SLC12A8: variants seen among roughly 807,000 people sequenced by gnomAD.
SLC12A8 encodes solute carrier family 12 member 8, also known as cation-chloride cotransporter 9.
In SLC12A8, 69 loss-of-function variants were observed where a neutral mutation model predicts 75.6. The observed-to-expected ratio is 0.91, with a 90% CI of 0.75 to 1.11. SLC12A8 has a LOEUF of 1.11. Among genes scored for constraint, SLC12A8 ranks in the 50% most tolerant of loss-of-function variants. The pLI, the probability that SLC12A8 is intolerant of heterozygous loss-of-function variation, is 0.00. For missense variants in SLC12A8, 877 were observed against 896.7 expected (o/e 0.98, Z 0.28); for synonymous variants, 365 against 372.8 (o/e 0.98, Z 0.24).
intron 6 of SLC12A8, among the ~76,000 whole-genome samples, chr3:125,133,828 C>G (rs1933422660): frequency 6.6e-6 from 1 of 152,098 alleles, no homozygotes; most frequent in African/African-American, 2.4e-5. Flanking sequence ...CTGTCTTGGC[C>G]TCCCAAAGTG....
intron 5 of SLC12A8, among the ~76,000 whole-genome samples, chr3:125,177,267 T>C (rs370175816): frequency 2.2e-5 from 3 of 136,134 alleles, no homozygotes; most frequent in East Asian, 2.2e-4. Flanking sequence ...TAGGTGGGAA[T>C]TGAACAATGA....
At position 125,107,776 on chromosome 3, in the gene SLC12A8, C is replaced by T. The variant is rs1261910367; in HGVS notation, c.1410G>A (p.Arg470=). The change falls in exon 10 of 14, where the codon AGG becomes AGA. Residue 470 remains arginine (R), a synonymous_variant. Coordinates refer to ENST00000469902, the MANE Select transcript of SLC12A8 (RefSeq NM_024628.6). ...GCCTGGGCTGGCTACTCTCAAGCTT[C>T]CTGGTTAGCTGGAGGAGCTGATCCA... The part of the protein sequence containing the change: ...KDMDQLLQLT[R]KLESSQPRQG... 1 of 1,614,174 alleles carries T rather than the reference C, an allele frequency of 6.2e-7. No individual in the cohort carries two copies. The highest frequency in any genetic ancestry group is 1.1e-5 in the South Asian group (1 of 91,080).
At chr3:125,160,663 T>C (rs1934147407) in intron 5 of SLC12A8, among the ~76,000 whole-genome samples, 1 of 152,216 alleles carries the variant, frequency 6.6e-6, no homozygotes, top group South Asian at 2.1e-4. Context: ...CACTCAGGAT[T>C]AAGACATGGA....
intron 5 of SLC12A8, among the ~76,000 whole-genome samples, chr3:125,136,640 C>T (rs1933502730): frequency 6.6e-6 from 1 of 152,188 alleles, no homozygotes; most frequent in Non-Finnish European, 1.5e-5. Context: ...GATCTCTCAG[C>T]CTATGGACAC....
intron 10 of SLC12A8, among the ~76,000 whole-genome samples, chr3:125,101,978 C>T (rs2948798): frequency 0.17 from 26,600 of 152,034 alleles, 2,651 homozygotes; most frequent in Non-Finnish European, 0.21. Context: ...AGGAATCTGA[C>T]AATCTAGTGG....
At chr3:125,152,640 TC>T (rs1933955685) in intron 5 of SLC12A8, among the ~76,000 whole-genome samples, 1 of 151,728 alleles carries the variant, frequency 6.6e-6, no homozygotes, top group African/African-American at 2.4e-5. Context: ...GAACCACCCC[TC>T]CCCCCAAACT....
chr3:125,174,027 G>T (rs1221129056), intron 5 of SLC12A8, among the ~76,000 whole-genome samples: 1 of 152,200 alleles, frequency 6.6e-6, no homozygotes, highest in Non-Finnish European at 1.5e-5. Flanking sequence ...GGGAGGCAGA[G>T]GTTGCAGTGA....
At chr3:125,175,235 A>G (rs757134354) in intron 5 of SLC12A8, among the ~76,000 whole-genome samples, 6 of 152,234 alleles carry the variant, frequency 3.9e-5, no homozygotes, top group Non-Finnish European at 7.3e-5. Context: ...AGTTCCTTCC[A>G]GTCTTTTTTT....
At chr3:125,196,003 C>A (rs1011687886) in intron 2 of SLC12A8, among the ~76,000 whole-genome samples, 2 of 152,214 alleles carry the variant, frequency 1.3e-5, no homozygotes, top group African/African-American at 4.8e-5. Context: ...AACAGGCGAA[C>A]CAGTGAAACA....
chr3:125,110,945 A>T (rs1939172860), intron 8 of SLC12A8, among the ~76,000 whole-genome samples: 1 of 151,972 alleles, frequency 6.6e-6, no homozygotes, highest in Admixed American at 6.6e-5. Context: ...GATCAGCATG[A>T]TTTTTCTGTC....
intron 5 of SLC12A8, among the ~76,000 whole-genome samples, chr3:125,162,851 C>G (rs1934203833): frequency 6.6e-6 from 1 of 152,096 alleles, no homozygotes; most frequent in South Asian, 2.1e-4. Context: ...GGCCAGAAAC[C>G]CCTATCCAGT....
chr3:125,210,459 G>T (rs1935314353), intron 2 of SLC12A8, among the ~76,000 whole-genome samples: 1 of 152,186 alleles, frequency 6.6e-6, no homozygotes, highest in African/African-American at 2.4e-5. Flanking sequence ...GACACTGAAG[G>T]TTTTAAACAG....
chr3:125,190,198 T>C (rs1934881263), intron 3 of SLC12A8, among the ~76,000 whole-genome samples, 177 bp downstream of exon 3: 1 of 152,240 alleles, frequency 6.6e-6, no homozygotes, highest in Non-Finnish European at 1.5e-5. Flanking sequence ...GAAGCCTATC[T>C]TCACAGGATG....
In SLC12A8 at chr3:125,159,826, T is replaced by C. The variant is rs185915370; in HGVS notation, c.622+17917A>G. Among the ~76,000 whole-genome samples, 378 of 152,372 alleles carry C rather than the reference T, an allele frequency of 2.5e-3. 1 individual carries two copies. Among genetic ancestry groups the C allele is most frequent in the African/African-American group, 8.5e-3 (352 of 41,590 alleles). On this transcript the variant is annotated intron_variant, in intron 5 of 13. Transcript: ENST00000469902. ...CCAGGCCTATGACGGCCCCTCCAGC[T>C]GCCCAGACACATGCCCTTTTCTGGG...
chr3:125,211,008 C>A, intron 2 of SLC12A8, among the ~76,000 whole-genome samples: 1 of 86,016 alleles, frequency 1.2e-5, no homozygotes, highest in Non-Finnish European at 2.0e-5. Flanking sequence ...TTATCTGAGT[C>A]CTCACTGTGA....
At chr3:125,146,850 CA>C (rs2107768494) in intron 5 of SLC12A8, among the ~76,000 whole-genome samples, 1 of 152,362 alleles carries the variant, frequency 6.6e-6, no homozygotes, top group African/African-American at 2.4e-5. Context: ...TTTGTTGCCA[CA>C]GGGAACACCT....
intron 2 of SLC12A8, among the ~76,000 whole-genome samples, chr3:125,202,949 G>A (rs745809734): frequency 7.2e-5 from 11 of 151,874 alleles, no homozygotes; most frequent in Admixed American, 1.3e-4. Flanking sequence ...TTAGCCAAGC[G>A]TGGTGGCAGG....
chr3:125,193,953 C>T (rs951846790), intron 2 of SLC12A8, among the ~76,000 whole-genome samples: 4 of 152,156 alleles, frequency 2.6e-5, no homozygotes, highest in Non-Finnish European at 5.9e-5. Flanking sequence ...AGATTTGGGC[C>T]CCAGTCCTCA....
intron 6 of SLC12A8, chr3:125,120,918 C>T: frequency 1.5e-6 from 1 of 688,806 alleles, no homozygotes; most frequent in South Asian, 1.5e-5. Flanking sequence ...GGAGGAAAGC[C>T]CTCCCAGCTC....
Sources: gnomAD v4.1 joint callset for allele counts (sites outside exome capture counted in the v4.1 genomes callset) on GRCh38, gnomAD v4.1.1 for gene constraint, MANE v1.5 for transcripts, NCBI Gene and HGNC (gene_info 2026-07-23, HGNC 2026-07-21) for gene names.